HDAC9: variants seen among roughly 807,000 people sequenced by gnomAD.
The protein encoded by HDAC9 is histone deacetylase 9.
In HDAC9, 41 loss-of-function variants were observed where a neutral mutation model predicts 139.4. The ratio of observed to expected loss-of-function variants is 0.29; its 90% CI spans 0.23 to 0.38. The LOEUF is 0.38. Among genes scored for constraint, HDAC9 ranks in the 10% least tolerant of loss-of-function variants. HDAC9 has a pLI of 1.00. For missense variants in HDAC9, 1,147 were observed against 1,297.0 expected, an observed-to-expected ratio of 0.88 and a Z score of 1.78; for synonymous variants, 517 against 476.2, an observed-to-expected ratio of 1.09 and a Z score of -1.12.
At chr7:18,383,278 A>C (rs931814209) in intron 1 of HDAC9, among the ~76,000 whole-genome samples, 1 of 152,236 alleles carries the variant, frequency 6.6e-6, no homozygotes, top group African/African-American at 2.4e-5. Flanking sequence ...TTTGTGGCAC[A>C]GTTACCTTCT....
intron 2 of HDAC9, among the ~76,000 whole-genome samples, chr7:18,522,848 C>T (rs986420008): frequency 8.5e-5 from 13 of 152,232 alleles, no homozygotes; most frequent in Middle Eastern, 3.4e-3. Context: ...AATCATTTAA[C>T]AAGTGAGGAA....
chr7:18,615,541 C>G (rs1167404503), intron 6 of HDAC9, among the ~76,000 whole-genome samples: 1 of 152,002 alleles, frequency 6.6e-6, no homozygotes, highest in Admixed American at 6.6e-5. Flanking sequence ...TACTTTTTGT[C>G]TTTTTTCTCT....
intron 1 of HDAC9, among the ~76,000 whole-genome samples, chr7:18,425,454 G>A (rs1052296682): frequency 1.3e-5 from 2 of 152,196 alleles, no homozygotes; most frequent in African/African-American, 2.4e-5. Context: ...GGCAGGTGAC[G>A]CGTGTTAGGG....
At chr7:18,673,639 CAT>C (rs1263685846) in intron 12 of HDAC9, among the ~76,000 whole-genome samples, 2 of 151,974 alleles carry the variant, frequency 1.3e-5, no homozygotes, top group Non-Finnish European at 2.9e-5. Flanking sequence ...TTGTGACTCA[CAT>C]ATTTTTATTT....
At chr7:18,953,769 A>G (rs372771822) in intron 23 of HDAC9, among the ~76,000 whole-genome samples, 2 of 152,052 alleles carry the variant, frequency 1.3e-5, no homozygotes, top group African/African-American at 2.4e-5. Flanking sequence ...CTTTCTGTCT[A>G]TTGCAACTTC....
At chr7:18,440,026 C>T (rs1007869448) in intron 1 of HDAC9, among the ~76,000 whole-genome samples, 7 of 152,098 alleles carry the variant, frequency 4.6e-5, no homozygotes, top group Non-Finnish European at 8.8e-5. Context: ...TGTACCCACT[C>T]TTAATACATT....
intron 2 of HDAC9, among the ~76,000 whole-genome samples, chr7:18,264,597 A>G (rs1795887266): frequency 6.6e-6 from 1 of 152,220 alleles, no homozygotes; most frequent in Non-Finnish European, 1.5e-5. Context: ...TAAAAATGAC[A>G]TATAATTATT....
At chr7:18,477,082 ATTGACAATGTTCACC>A (rs1408994648) in intron 1 of HDAC9, among the ~76,000 whole-genome samples, 1 of 152,204 alleles carries the variant, frequency 6.6e-6, no homozygotes, top group Admixed American at 6.5e-5. Context: ...TTAGGTGGGC[ATTGACAATGTTCACC>A]TTGACAATGT....
intron 22 of HDAC9, among the ~76,000 whole-genome samples, chr7:18,906,435 T>A (rs961282321): frequency 6.6e-6 from 1 of 152,154 alleles, no homozygotes; most frequent in African/African-American, 2.4e-5. Flanking sequence ...GTGAGCCATG[T>A]TGCCAAATGT....
chr7:18,327,348 A>C (rs1017855532), intron 1 of HDAC9: 1 of 151,932 alleles, frequency 6.6e-6, no homozygotes, highest in East Asian at 1.9e-4. Flanking sequence ...CAGAAGATGT[A>C]ATGCTATAAT....
chr7:18,961,365 G>C (rs937825874), intron 24 of HDAC9, among the ~76,000 whole-genome samples: 2 of 152,162 alleles, frequency 1.3e-5, no homozygotes, highest in African/African-American at 4.8e-5. Flanking sequence ...TTAACTGACA[G>C]GGAGAGGATT....
intron 2 of HDAC9, among the ~76,000 whole-genome samples, chr7:18,531,417 G>A (rs1308488417): frequency 6.6e-6 from 1 of 152,014 alleles, no homozygotes; most frequent in Non-Finnish European, 1.5e-5. Flanking sequence ...ATTGTTGAAT[G>A]ATTTATCTTA....
chr7:18,461,691 C>G (rs1793861772), intron 1 of HDAC9, among the ~76,000 whole-genome samples: 2 of 152,048 alleles, frequency 1.3e-5, no homozygotes, highest in Non-Finnish European at 1.5e-5. Context: ...CATTGCCTAC[C>G]TTTATCTCCA....
intron 14 of HDAC9, among the ~76,000 whole-genome samples, chr7:18,759,988 G>GA (rs1352418144): frequency 6.6e-5 from 10 of 151,964 alleles, no homozygotes; most frequent in African/African-American, 9.7e-5. Flanking sequence ...AAGAAAGGAG[G>GA]AAAAAATCAA....
At chr7:18,486,845 A>G (rs901511698) in intron 1 of HDAC9, among the ~76,000 whole-genome samples, 3 of 152,122 alleles carry the variant, frequency 2.0e-5, no homozygotes, top group South Asian at 2.1e-4. Context: ...AAGATGGTCA[A>G]AATTGTGTGC....
intron 12 of HDAC9, among the ~76,000 whole-genome samples, chr7:18,714,513 G>A (rs1366975913): frequency 6.6e-6 from 1 of 152,098 alleles, no homozygotes; most frequent in Non-Finnish European, 1.5e-5. Context: ...TTACGAATAA[G>A]GGCTATTCAC....
At chr7:18,520,226 A>C (rs1280795726) in intron 2 of HDAC9, among the ~76,000 whole-genome samples, 1 of 152,168 alleles carries the variant, frequency 6.6e-6, no homozygotes, top group African/African-American at 2.4e-5. Context: ...TATACATCAA[A>C]ATATTAAAGT....
At chr7:18,576,696 C>A (rs1826055940) in intron 2 of HDAC9, among the ~76,000 whole-genome samples, 2 of 150,534 alleles carry the variant, frequency 1.3e-5, no homozygotes, top group South Asian at 4.2e-4. Flanking sequence ...AAGATAATTT[C>A]TATCAATTAG....
At chr7:18,667,115 A>C (rs1795069869) in intron 12 of HDAC9, 5 of 985,236 alleles carry the variant, frequency 5.1e-6, no homozygotes, top group Non-Finnish European at 6.0e-6. Flanking sequence ...TTTTAAATAT[A>C]TAGATGCAAA....
Sources: allele counts gnomAD v4.1 joint callset (sites outside exome capture counted in the v4.1 genomes callset), GRCh38; gene constraint gnomAD v4.1.1; transcripts MANE v1.5; gene names NCBI Gene and HGNC (gene_info 2026-07-23, HGNC 2026-07-21).